COL6A6: variants seen among roughly 807,000 people sequenced by gnomAD.
COL6A6 encodes collagen type VI alpha 6 chain.
A neutral mutation model predicts 208.6 loss-of-function variants in COL6A6; 183 were observed. That is an observed-to-expected ratio of 0.88 (90% CI 0.78 to 0.99). The LOEUF is 0.99. COL6A6 is among the 50% of genes least tolerant of loss of function. COL6A6 has a pLI of 0.00. For synonymous variants in COL6A6, 973 were observed against 1,011.8 expected (o/e 0.96, Z 0.73); for missense variants, 2,816 against 2,815.2 (o/e 1.00, Z -0.01).
chr3:130,530,358 T>G (rs2062054393), intron 1 of COL6A6, among the ~76,000 whole-genome samples: 1 of 152,190 alleles, frequency 6.6e-6, no homozygotes, highest in South Asian at 2.1e-4. Flanking sequence ...GCTCTGTTGC[T>G]TAAAAACCGT....
Position 130,570,855 on chromosome 3 carries a change from C to CTA in COL6A6, c.2439_2440insTA (p.Ile814Ter). Reference sequence around the variant, plus strand: ...TTGAAGTTTTAGACGTTGTGTTTGTCATTGATAGCTCTGGCAGTATTGACT... The same window carrying CTA: ...TTGAAGTTTTAGACGTTGTGTTTGTCTAATTGATAGCTCTGGCAGTATTGACT... On this transcript the variant is annotated frameshift_variant, in exon 7 of 37. Coordinates refer to ENST00000358511, the MANE Select transcript of COL6A6 (RefSeq NM_001102608.3). LOFTEE classifies it high-confidence loss of function. 1 of 1,613,522 alleles carries CTA rather than the reference C, an allele frequency of 6.2e-7. No homozygotes were observed. Among genetic ancestry groups the CTA allele is most frequent in the Non-Finnish European group, 8.5e-7 (1 of 1,179,638 alleles).
chr3:130,569,300 C>A (rs1560005484), intron 6 of COL6A6, among the ~76,000 whole-genome samples: 1 of 152,212 alleles, frequency 6.6e-6, no homozygotes, highest in South Asian at 2.1e-4. Flanking sequence ...AGTAAGAGGA[C>A]TTGAGCAACG....
chr3:130,634,729 C>T (rs531321466), intron 27 of COL6A6, 104 bp downstream of exon 27: 2 of 805,150 alleles, frequency 2.5e-6, no homozygotes, highest in South Asian at 1.9e-5. Flanking sequence ...AAATAAATGT[C>T]CTACCTTTGT....
intron 28 of COL6A6, among the ~76,000 whole-genome samples, chr3:130,639,831 C>G (rs1233090446): frequency 6.6e-6 from 1 of 151,990 alleles, no homozygotes; most frequent in Non-Finnish European, 1.5e-5. Context: ...TTTGGTCTTT[C>G]TTCTTTGTCT....
rs779740287 is a variant in COL6A6 at position 130,634,579 on chromosome 3, G to C, written c.4993-11G>C. 8.1e-6 allele frequency: 13 copies of C among 1,603,056 alleles called. No individual in the cohort carries two copies. In the South Asian group the frequency reaches 1.5e-4, roughly 18 times the overall value. On this transcript the variant is annotated splice_polypyrimidine_tract_variant and intron_variant, in intron 26 of 36. Transcript: ENST00000358511. ...TGTGCCTGTATAAATCTTTCCTCCT[G>C]TCCATTACAGGGACAAGAAGGATTC...
intron 20 of COL6A6, among the ~76,000 whole-genome samples, chr3:130,601,303 G>A (rs2064011362): frequency 6.7e-6 from 1 of 149,786 alleles, no homozygotes; most frequent in Non-Finnish European, 1.5e-5. Context: ...GAAGTTTATA[G>A]AGCCAGCTAT....
intron 11 of COL6A6, among the ~76,000 whole-genome samples, chr3:130,587,618 C>T (rs1005403545): frequency 1.6e-4 from 25 of 152,338 alleles, no homozygotes; most frequent in African/African-American, 5.8e-4. Context: ...TGTGGCTCTA[C>T]TTCTACTTTA....
At chr3:130,582,124 CT>C (rs1295280615) in intron 10 of COL6A6, 56 bp downstream of exon 10, 1 of 1,104,544 alleles carries the variant, frequency 9.1e-7, no homozygotes, top group Non-Finnish European at 1.3e-6. Flanking sequence ...AATCTCAGAA[CT>C]AAATTCTGGC....
intron 19 of COL6A6, 27 bp from the exon 20 acceptor site, chr3:130,599,730 T>C: frequency 6.2e-7 from 1 of 1,612,844 alleles, no homozygotes; most frequent in Non-Finnish European, 8.5e-7. Flanking sequence ...ATAATTACCG[T>C]CACACATCTG....
intron 1 of COL6A6, among the ~76,000 whole-genome samples, chr3:130,534,799 G>A (rs963319734): frequency 6.6e-6 from 1 of 151,514 alleles, no homozygotes; most frequent in African/African-American, 2.4e-5. Flanking sequence ...TGCTTCCTTC[G>A]TTTTCTTTTC....
chr3:130,548,166 G>T (rs1210405132), intron 1 of COL6A6, among the ~76,000 whole-genome samples: 1 of 152,192 alleles, frequency 6.6e-6, no homozygotes, highest in Non-Finnish European at 1.5e-5. Context: ...TCTGATGTTT[G>T]CTATGTCTTC....
In COL6A6 at chr3:130,565,218, A is replaced by G; in HGVS notation, c.886A>G (p.Ile296Val). 1 of 1,614,036 alleles carries G rather than the reference A, an allele frequency of 6.2e-7. No individual in the cohort carries two copies. Among genetic ancestry groups the G allele is most frequent in the Non-Finnish European group, 8.5e-7 (1 of 1,179,882 alleles). ...AAATAAGTCAGAGGTTCTCCAGCATATACAGAACCTTTCTCCCCGAACTGG... is the reference window on the plus strand; with the variant it reads ...AAATAAGTCAGAGGTTCTCCAGCATGTACAGAACCTTTCTCCCCGAACTGG... Reference protein sequence around the residue: ...GINKSEVLQHIQNLSPRTGKA... With the variant: ...GINKSEVLQHVQNLSPRTGKA... The change falls in exon 4 of 37, where the codon ATA becomes GTA. Residue 296 changes from isoleucine to valine, a missense_variant. Coordinates refer to ENST00000358511, the MANE Select transcript of COL6A6 (RefSeq NM_001102608.3).
rs2108510533 is a variant in COL6A6, at chr3:130,677,024, G to A, written c.*1627G>A. 1 of 152,302 alleles carries A rather than the reference G, an allele frequency of 6.6e-6. No homozygotes were observed. The highest frequency in any genetic ancestry group is 1.9e-4 in the East Asian group (1 of 5,190). The allele number at this position is 152,302 out of a possible 1,614,324, so 9.4% of individuals were successfully genotyped here. On this transcript the variant is annotated 3_prime_UTR_variant, in exon 37 of 37. Transcript: ENST00000358511. ...TTTGTCTGTTTTTCTGCATTGGCAA[G>A]TAAAGAACATAAAACAAATATTCCC...
intron 1 of COL6A6, among the ~76,000 whole-genome samples, chr3:130,538,357 A>C (rs1477332456): frequency 6.6e-6 from 1 of 152,230 alleles, no homozygotes; most frequent in Non-Finnish European, 1.5e-5. Context: ...TGATAAGGAA[A>C]GACTTTAGGA....
At chr3:130,602,151 A>G (rs909784118) in intron 20 of COL6A6, among the ~76,000 whole-genome samples, 22 of 152,354 alleles carry the variant, frequency 1.4e-4, no homozygotes, top group African/African-American at 5.3e-4. Context: ...GTCTATCACA[A>G]CACAGGGAAA....
chr3:130,620,031 C>T (rs573077245), intron 23 of COL6A6, among the ~76,000 whole-genome samples: 2 of 152,234 alleles, frequency 1.3e-5, no homozygotes, highest in South Asian at 4.1e-4. Context: ...AACTTCTGGG[C>T]TCAAGTGATC....
chr3:130,634,210 A>AAT (rs2065030867), intron 26 of COL6A6, among the ~76,000 whole-genome samples: 1 of 50,322 alleles, frequency 2.0e-5, no homozygotes, highest in Admixed American at 3.2e-4. Context: ...GTTAAAAAAA[A>AAT]AAATAAATAA....
intron 1 of COL6A6, among the ~76,000 whole-genome samples, chr3:130,533,007 G>A (rs1037093145): frequency 6.6e-5 from 10 of 152,124 alleles, no homozygotes; most frequent in Non-Finnish European, 1.2e-4. Context: ...TGCCTCAGGA[G>A]CCTACATGCC....
In COL6A6 at chr3:130,645,327, C is replaced by G. The variant is rs376260237; in HGVS notation, c.5239+325C>G. ...TGTTGGGGTTTTTTTTAGACATGCTCTGTCACACAGGCTGATCACTGTTCA... is the reference window on the plus strand; with the variant it reads ...TGTTGGGGTTTTTTTTAGACATGCTGTGTCACACAGGCTGATCACTGTTCA... On this transcript the variant is annotated intron_variant, in intron 32 of 36. Transcript: ENST00000358511. Among the ~76,000 whole-genome samples the G allele has an allele frequency of 2.6e-4, 40 of 152,286 alleles. 1 individual carries two copies. The South Asian group carries it at 6.6e-3, about 25-fold the overall frequency.
Sources: gnomAD v4.1 joint callset for allele counts (sites outside exome capture counted in the v4.1 genomes callset) on GRCh38, gnomAD v4.1.1 for gene constraint, MANE v1.5 for transcripts, NCBI Gene and HGNC (gene_info 2026-07-23, HGNC 2026-07-21) for gene names.